USP48: variants seen among roughly 807,000 people sequenced by gnomAD.
USP48 encodes ubiquitin carboxyl-terminal hydrolase 48.
In USP48, 43 loss-of-function variants were observed where a neutral mutation model predicts 150.7. The ratio of observed to expected loss-of-function variants is 0.29; its 90% confidence interval spans 0.22 to 0.37. USP48 has a LOEUF of 0.37. Among genes scored for constraint, USP48 ranks in the 10% least tolerant of loss-of-function variants. The pLI is 1.00. For synonymous variants in USP48, 396 were observed against 425.9 expected (o/e 0.93, Z 0.86); for missense variants, 813 against 1,249.6 (o/e 0.65, Z 5.27).
intron 15 of USP48, 113 bp from the exon 16 acceptor site, chr1:21,706,981 G>T: frequency 1.6e-6 from 2 of 1,215,996 alleles, no homozygotes; most frequent in Non-Finnish European, 2.2e-6. Flanking sequence ...TTCTTGCTTT[G>T]CTAAAGTTTG....
In USP48 at chr1:21,695,153, A is replaced by C; in HGVS notation, c.2796T>G (p.Ile932Met). The change falls in exon 23 of 27, where the codon ATT (isoleucine) becomes ATG (methionine). Residue 932 changes from isoleucine (I) to methionine (M), a missense_variant. Ile to Met is a conservative substitution (Grantham distance 10, BLOSUM62 1). Coordinates refer to ENST00000308271, the MANE Select transcript of USP48 (RefSeq NM_032236.8). ...QNYIAYQKQVIRRSMRHRKVR... is the reference protein window; with the variant it reads ...QNYIAYQKQVMRRSMRHRKVR... ...CTTTTCTATGTCGCATACTTCGGCGAATAACTTGCTTTTGATAGGCTATAT... is the reference window on the plus strand; with the variant it reads ...CTTTTCTATGTCGCATACTTCGGCGCATAACTTGCTTTTGATAGGCTATAT... The C allele has an allele frequency of 6.2e-7, 1 of 1,613,732 alleles. No individual in the cohort carries two copies. The highest frequency in any genetic ancestry group is 8.5e-7 in the Non-Finnish European group (1 of 1,179,904).
rs1362661770 is a variant in USP48 at position 21,701,572 on chromosome 1, C to T, written c.2653G>A (p.Val885Met). 9 of 1,613,770 alleles carry T rather than the reference C, an allele frequency of 5.6e-6. No individual in the cohort carries two copies. The highest frequency in any genetic ancestry group is 4.0e-5 in the African/African-American group (3 of 74,900). ...VMKDSAPELNVSSSETEEDKE... is the reference protein window; with the variant it reads ...VMKDSAPELNMSSSETEEDKE... ...TCCTCCTCTGTTTCAGAACTACTCA[C>T]ATTCAGTTCCGGAGCCGAATCCTTC... Residue 885 changes from valine to methionine, a missense_variant, in exon 22 of 27, where the codon GTG (valine) becomes ATG (methionine). By Grantham distance (21) the Val-to-Met change is conservative. Coordinates refer to ENST00000308271, the MANE Select transcript of USP48 (RefSeq NM_032236.8).
chr1:21,751,499 T>C lies in USP48; in HGVS notation c.774+8A>G, dbSNP rs199908708. 80 of 1,608,208 alleles carry C rather than the reference T, an allele frequency of 5.0e-5. No homozygotes were observed. The highest frequency in any genetic ancestry group is 1.2e-4 in the African/African-American group (9 of 74,790). On this transcript the variant is annotated splice_region_variant and intron_variant, in intron 6 of 26. Coordinates refer to ENST00000308271, the MANE Select transcript of USP48 (RefSeq NM_032236.8). ...GCAGGAACAATACATACACCAAAAT[T>C]TGAATACCTTCAAAAATTCCGAGAT...
intron 25 of USP48, among the ~76,000 whole-genome samples, chr1:21,681,726 T>C (rs184170830): frequency 2.6e-5 from 4 of 152,358 alleles, no homozygotes; most frequent in Non-Finnish European, 4.4e-5. Flanking sequence ...ACGCCATTAA[T>C]ACTAGTCACA....
chr1:21,683,813 T>C (rs188745418), intron 25 of USP48, among the ~76,000 whole-genome samples: 45 of 152,314 alleles, frequency 3.0e-4, no homozygotes, highest in African/African-American at 1.0e-3. Flanking sequence ...TCCCATCCAC[T>C]CATAACTACC....
chr1:21,699,571 T>C (rs2097648976), intron 22 of USP48, among the ~76,000 whole-genome samples: 1 of 151,466 alleles, frequency 6.6e-6, no homozygotes, highest in Non-Finnish European at 1.5e-5. Context: ...TGGAGTGCAG[T>C]GGCGTGATCT....
At chr1:21,700,817 T>C (rs1026041038) in intron 22 of USP48, among the ~76,000 whole-genome samples, 16 of 152,214 alleles carry the variant, frequency 1.1e-4, no homozygotes, top group Non-Finnish European at 2.2e-4. Flanking sequence ...CTCACGCCTA[T>C]AATCCCAGCA....
At chr1:21,683,795 G>A (rs2097573344) in intron 25 of USP48, among the ~76,000 whole-genome samples, 1 of 152,002 alleles carries the variant, frequency 6.6e-6, no homozygotes, top group Non-Finnish European at 1.5e-5. Flanking sequence ...CCCTTCATAT[G>A]GCCCCTTTCC....
At chr1:21,691,312 T>A in intron 23 of USP48, among the ~76,000 whole-genome samples, 1 of 96,004 alleles carries the variant, frequency 1.0e-5, no homozygotes, top group Admixed American at 1.2e-4. Flanking sequence ...GAAACTCCCA[T>A]CTCCAAAAAA....
At chr1:21,758,545 C>T (rs994719059) in intron 1 of USP48, among the ~76,000 whole-genome samples, 1 of 152,078 alleles carries the variant, frequency 6.6e-6, no homozygotes, top group Admixed American at 6.6e-5. Flanking sequence ...AGGCGGATAA[C>T]AAGGTCAGGA....
chr1:21,778,881 A>G (rs1418340233), intron 1 of USP48, among the ~76,000 whole-genome samples: 1 of 151,060 alleles, frequency 6.6e-6, no homozygotes, highest in Non-Finnish European at 1.5e-5. Context: ...TCCCGGGTTT[A>G]TGCCATTCTC....
chr1:21,750,863 C>T (rs907403679), intron 6 of USP48, among the ~76,000 whole-genome samples: 5 of 142,004 alleles, frequency 3.5e-5, no homozygotes, highest in African/African-American at 5.2e-5. Context: ...GCCTGGGCAA[C>T]AAGAGAGAAA....
intron 15 of USP48, among the ~76,000 whole-genome samples, chr1:21,709,106 G>A (rs1004122292): frequency 1.3e-5 from 2 of 151,586 alleles, no homozygotes; most frequent in South Asian, 2.1e-4. Context: ...GGAGTCTCTC[G>A]AACTTCTGGT....
intron 22 of USP48, among the ~76,000 whole-genome samples, chr1:21,697,255 A>G (rs1042165485): frequency 2.0e-5 from 3 of 152,122 alleles, no homozygotes; most frequent in Non-Finnish European, 2.9e-5. Context: ...CTGAATCTAC[A>G]TAGGCAACTG....
intron 25 of USP48, 184 bp downstream of exon 25, chr1:21,687,007 G>A: frequency 1.6e-6 from 1 of 627,806 alleles, no homozygotes; most frequent in Non-Finnish European, 2.7e-6. Flanking sequence ...AGCTTTCCAA[G>A]TTTTTGTAGA....
chr1:21,753,823 TAAAAAAAAAAA>T (rs11308463), intron 3 of USP48, among the ~76,000 whole-genome samples: 3 of 86,638 alleles, frequency 3.5e-5, no homozygotes, highest in Admixed American at 1.5e-4. Context: ...CGAGACTCTT[TAAAAAAAAAAA>T]AAAAAAAAAA....
At position 21,729,669 on chromosome 1, in the gene USP48, C is replaced by T. The variant is rs760156244; in HGVS notation, c.1300+35G>A. 3.7e-6 allele frequency: 6 copies of T among 1,604,582 alleles called. No individual in the cohort carries two copies. The South Asian group carries it at 6.7e-5, about 18-fold the overall frequency. The stretch of plus-strand genomic sequence containing the variant: ...AATCTTTGAGTATGGCATTCTAAAA[C>T]ATTTGCCTGCTATAATCCTGGAAAA... On this transcript the variant is annotated intron_variant, in intron 10 of 26. Coordinates refer to ENST00000308271, the MANE Select transcript of USP48 (RefSeq NM_032236.8).
At chr1:21,680,997 A>G (rs898096807) in intron 25 of USP48, 163 bp from the exon 26 acceptor site, 7 of 585,982 alleles carry the variant, frequency 1.2e-5, no homozygotes, top group Non-Finnish European at 2.1e-5. Flanking sequence ...ATTTCAGAAC[A>G]ATCTTTGTTT....
intron 14 of USP48, among the ~76,000 whole-genome samples, chr1:21,716,686 T>C (rs145451894): frequency 1.3e-5 from 2 of 152,342 alleles, no homozygotes; most frequent in African/African-American, 2.4e-5. Flanking sequence ...TATAGTTGTA[T>C]ATACTGGGAA....
Sources: gnomAD v4.1 joint callset for allele counts (sites outside exome capture counted in the v4.1 genomes callset) on GRCh38, gnomAD v4.1.1 for gene constraint, MANE v1.5 for transcripts, NCBI Gene and HGNC (gene_info 2026-07-23, HGNC 2026-07-21) for gene names.